The following NAALADL2 variants were observed in gnomAD, a reference collection of about 807,000 sequenced individuals.
The protein encoded by NAALADL2 is inactive N-acetylated-alpha-linked acidic dipeptidase-like protein 2.
NAALADL2 carries 76 observed loss-of-function variants against 87.2 expected under a neutral mutation model. The ratio of observed to expected loss-of-function variants is 0.87; its 90% confidence interval spans 0.72 to 1.05. The LOEUF is 1.05. Among genes scored for constraint, NAALADL2 ranks in the 50% least tolerant of loss-of-function variants. NAALADL2 has a pLI of 0.00. For synonymous variants in NAALADL2, 354 were observed against 331.0 expected (o/e 1.07, Z -0.75); for missense variants, 1,089 against 945.8 (o/e 1.15, Z -1.99).
At chr3:174,840,620 G>T (rs923744470) in intron 3 of NAALADL2, among the ~76,000 whole-genome samples, 5 of 152,116 alleles carry the variant, frequency 3.3e-5, no homozygotes, top group African/African-American at 1.2e-4. Flanking sequence ...AAGGGAGTCA[G>T]ACACTATATT....
intron 10 of NAALADL2, among the ~76,000 whole-genome samples, chr3:175,596,257 C>T (rs758381445): frequency 1.3e-5 from 2 of 151,840 alleles, no homozygotes; most frequent in Non-Finnish European, 2.9e-5. Flanking sequence ...CATAAGCTTT[C>T]CATGATTGGT....
chr3:174,780,743 G>GT (rs201577426), intron 3 of NAALADL2, among the ~76,000 whole-genome samples: 1,964 of 151,872 alleles, frequency 0.013, 47 homozygotes, highest in African/African-American at 0.045. Flanking sequence ...AGATAATCAT[G>GT]TTTTTTTTGT....
At chr3:175,588,578 GC>G (rs1720916863) in intron 10 of NAALADL2, among the ~76,000 whole-genome samples, 1 of 112,430 alleles carries the variant, frequency 8.9e-6, no homozygotes, top group Admixed American at 1.3e-4. Flanking sequence ...TTGCTCTGTC[GC>G]CGAGGCTGGA....
chr3:175,029,250 T>A (rs1386094079), intron 1 of NAALADL2, among the ~76,000 whole-genome samples: 2 of 152,028 alleles, frequency 1.3e-5, no homozygotes, highest in African/African-American at 4.8e-5. Context: ...TGGCTGTATC[T>A]CATTCTTTCA....
In NAALADL2 at chr3:175,487,612, CATA is replaced by C. The variant is rs530337554; in HGVS notation, c.1653+15859_1653+15861del. ...AGAGAATTCTTCCTCTTCTAACACA[CATA>C]ATAACCTATGAAGATATTAAATATT... On this transcript the variant is annotated intron_variant, in intron 9 of 13. Coordinates refer to ENST00000454872, the MANE Select transcript of NAALADL2 (RefSeq NM_207015.3). 1,203 of 445,754 alleles carry C rather than the reference CATA, an allele frequency of 2.7e-3. 22 individuals are homozygous for C. The highest frequency in any genetic ancestry group is 0.015 in the South Asian group (918 of 62,322). The allele number at this position is 445,754 out of a possible 1,614,324, so 27.6% of individuals were successfully genotyped here.
intron 1 of NAALADL2, among the ~76,000 whole-genome samples, chr3:174,945,954 G>C (rs1739346433): frequency 6.8e-6 from 1 of 147,832 alleles, no homozygotes; most frequent in South Asian, 2.1e-4. Context: ...GCTGAGGCAG[G>C]AGAATCACTT....
intron 2 of NAALADL2, among the ~76,000 whole-genome samples, chr3:174,616,867 A>T (rs1170476745): frequency 6.6e-6 from 1 of 151,896 alleles, no homozygotes; most frequent in Non-Finnish European, 1.5e-5. Flanking sequence ...GATTACTTGT[A>T]TAGAAAGTTA....
chr3:175,656,037 A>G (rs1353210101), intron 11 of NAALADL2, among the ~76,000 whole-genome samples: 1 of 152,166 alleles, frequency 6.6e-6, no homozygotes, highest in Non-Finnish European at 1.5e-5. Flanking sequence ...TGGCTTATCT[A>G]ATGTCCTTTG....
intron 11 of NAALADL2, among the ~76,000 whole-genome samples, chr3:175,633,345 T>C (rs1728068711): frequency 6.6e-6 from 1 of 152,116 alleles, no homozygotes; most frequent in African/African-American, 2.4e-5. Context: ...TTGGATTTAA[T>C]ATATTTTATT....
intron 1 of NAALADL2, among the ~76,000 whole-genome samples, chr3:174,954,691 A>G (rs1740902527): frequency 6.6e-6 from 1 of 152,108 alleles, no homozygotes; most frequent in Non-Finnish European, 1.5e-5. Flanking sequence ...TGCAGATCCA[A>G]CAACACGATA....
intron 3 of NAALADL2, among the ~76,000 whole-genome samples, chr3:174,832,225 T>C (rs188549008): frequency 1.3e-5 from 2 of 152,314 alleles, no homozygotes; most frequent in Admixed American, 1.3e-4. Flanking sequence ...GGATCTTTCC[T>C]GCTTTCTCTT....
At chr3:174,781,227 C>T (rs1715944167) in intron 3 of NAALADL2, among the ~76,000 whole-genome samples, 1 of 151,896 alleles carries the variant, frequency 6.6e-6, no homozygotes, top group Admixed American at 6.6e-5. Flanking sequence ...TCCTTCATTT[C>T]AATTTTGGTG....
chr3:174,507,280 T>C (rs1719257118), intron 1 of NAALADL2, among the ~76,000 whole-genome samples: 1 of 152,188 alleles, frequency 6.6e-6, no homozygotes, highest in South Asian at 2.1e-4. Flanking sequence ...AAAAGATGTT[T>C]TCAAGCTATG....
chr3:175,114,389 T>C (rs942821632), intron 2 of NAALADL2, among the ~76,000 whole-genome samples: 11 of 151,580 alleles, frequency 7.3e-5, no homozygotes, highest in African/African-American at 2.7e-4. Context: ...AGAATACTAA[T>C]AGATGGAATT....
intron 11 of NAALADL2, among the ~76,000 whole-genome samples, chr3:175,668,906 T>A (rs1003500616): frequency 6.6e-6 from 1 of 152,122 alleles, no homozygotes; most frequent in Non-Finnish European, 1.5e-5. Context: ...TAATAGCAGT[T>A]ATTATTTATT....
At chr3:174,953,456 T>C (rs908093562) in intron 1 of NAALADL2, among the ~76,000 whole-genome samples, 1 of 151,480 alleles carries the variant, frequency 6.6e-6, no homozygotes, top group Non-Finnish European at 1.5e-5. Flanking sequence ...CCTGCTCTTA[T>C]GGAGTTCAAA....
intron 2 of NAALADL2, among the ~76,000 whole-genome samples, chr3:174,666,328 A>G (rs1292496461): frequency 1.3e-5 from 2 of 152,200 alleles, no homozygotes; most frequent in East Asian, 1.9e-4. Context: ...TTCTTCAGCT[A>G]TTGCAAACAC....
chr3:175,313,098 A>G (rs1489825572), intron 4 of NAALADL2, among the ~76,000 whole-genome samples: 1 of 152,074 alleles, frequency 6.6e-6, no homozygotes, highest in Non-Finnish European at 1.5e-5. Flanking sequence ...GTGTCCTCAT[A>G]TGGCCTTTTT....
chr3:174,597,448 C>T (rs1392563274), intron 2 of NAALADL2, among the ~76,000 whole-genome samples: 2 of 152,174 alleles, frequency 1.3e-5, no homozygotes, highest in Non-Finnish European at 2.9e-5. Context: ...TTGGAACTCT[C>T]CTGAAATCTA....
Sources: gnomAD v4.1 joint callset for allele counts (sites outside exome capture counted in the v4.1 genomes callset) on GRCh38, gnomAD v4.1.1 for gene constraint, MANE v1.5 for transcripts, NCBI Gene and HGNC (gene_info 2026-07-23, HGNC 2026-07-21) for gene names.